The following DEPTOR variants were observed in gnomAD, a reference collection of about 807,000 sequenced individuals.
DEPTOR encodes DEP domain containing MTOR interacting protein.
A neutral mutation model predicts 41.6 loss-of-function variants in DEPTOR; 41 were observed. That is an observed-to-expected ratio of 0.98 (90% CI 0.77 to 1.28). DEPTOR has a LOEUF of 1.28. DEPTOR is among the 50% of genes most tolerant of loss of function. The probability of loss-of-function intolerance (pLI) is 0.00; values close to 1 mark genes in which losing one functional copy is unlikely to be tolerated. For missense variants in DEPTOR, 514 were observed against 527.9 expected (o/e 0.97, Z 0.26); for synonymous variants, 195 against 192.3 (o/e 1.01, Z -0.12).
intron 8 of DEPTOR, among the ~76,000 whole-genome samples, chr8:120,019,734 A>G (rs940589035): frequency 1.3e-5 from 2 of 152,192 alleles, no homozygotes; most frequent in African/African-American, 4.8e-5. Context: ...ACATGGGCAC[A>G]TCTCAGAGGC....
At chr8:120,000,980 G>A (rs1364350755) in intron 4 of DEPTOR, among the ~76,000 whole-genome samples, 2 of 151,942 alleles carry the variant, frequency 1.3e-5, no homozygotes, top group Non-Finnish European at 2.9e-5. Flanking sequence ...GGGAGGCTGA[G>A]ACAGGAGAAT....
At chr8:120,034,443 C>CTTTTTT (rs148465030) in intron 8 of DEPTOR, among the ~76,000 whole-genome samples, 940 of 91,506 alleles carry the variant, frequency 0.01, 16 homozygotes, top group African/African-American at 0.027. Flanking sequence ...TTTCCTTTTT[C>CTTTTTT]TTTTTTTTTT....
intron 4 of DEPTOR, among the ~76,000 whole-genome samples, chr8:119,998,036 C>T (rs966216726): frequency 6.6e-6 from 1 of 152,092 alleles, no homozygotes; most frequent in Admixed American, 6.6e-5. Flanking sequence ...AAGAAAAGTA[C>T]CTGGTATATA....
intron 1 of DEPTOR, among the ~76,000 whole-genome samples, chr8:119,911,230 C>A (rs1563963393): frequency 2.0e-5 from 3 of 151,946 alleles, no homozygotes; most frequent in Non-Finnish European, 2.9e-5. Flanking sequence ...CCAGCCTGAG[C>A]TACACCTATC....
At chr8:119,994,843 G>A (rs1812232981) in intron 4 of DEPTOR, among the ~76,000 whole-genome samples, 1 of 151,224 alleles carries the variant, frequency 6.6e-6, no homozygotes, top group Non-Finnish European at 1.5e-5. Flanking sequence ...CTTGAACTCA[G>A]CGGGTGGAGG....
At chr8:120,022,446 G>A (rs1227754300) in intron 8 of DEPTOR, among the ~76,000 whole-genome samples, 1 of 152,056 alleles carries the variant, frequency 6.6e-6, no homozygotes, top group Non-Finnish European at 1.5e-5. Context: ...CTCCTAAATT[G>A]ATCTGCTATG....
intron 1 of DEPTOR, among the ~76,000 whole-genome samples, chr8:119,902,396 G>A (rs919098552): frequency 5.3e-5 from 8 of 152,080 alleles, no homozygotes; most frequent in Non-Finnish European, 1.0e-4. Flanking sequence ...CTGGAGTGCA[G>A]TGGCACGATC....
chr8:119,880,404 C>T (rs1274229083), intron 1 of DEPTOR, among the ~76,000 whole-genome samples: 1 of 152,076 alleles, frequency 6.6e-6, no homozygotes, highest in African/African-American at 2.4e-5. Context: ...TTTAAACCAA[C>T]AGGCCATAGA....
chr8:120,034,264 TACACACACACACACACACAC>T (rs71571645), intron 8 of DEPTOR, among the ~76,000 whole-genome samples: 1 of 145,278 alleles, frequency 6.9e-6, no homozygotes, highest in Non-Finnish European at 1.5e-5. Context: ...GCAAAGCATG[TACACACACACACACACACAC>T]ACACACACAC....
intron 4 of DEPTOR, among the ~76,000 whole-genome samples, chr8:119,972,950 T>A (rs1327798353): frequency 2.6e-5 from 4 of 152,152 alleles, no homozygotes; most frequent in African/African-American, 7.2e-5. Context: ...ATACCTTTTT[T>A]TTTTTTGAGA....
chr8:120,006,956 A>G, intron 7 of DEPTOR, 81 bp downstream of exon 7: 10 of 1,315,814 alleles, frequency 7.6e-6, no homozygotes, highest in Non-Finnish European at 9.7e-6. Flanking sequence ...TAGCTTATAG[A>G]CTGAAATGAA....
At chr8:119,922,549 T>C (rs1421192932) in intron 1 of DEPTOR, among the ~76,000 whole-genome samples, 1 of 152,230 alleles carries the variant, frequency 6.6e-6, no homozygotes, top group African/African-American at 2.4e-5. Context: ...ACACCGTATG[T>C]AAACTTGTTT....
At chr8:119,920,781 G>A (rs528703633) in intron 1 of DEPTOR, among the ~76,000 whole-genome samples, 1 of 152,196 alleles carries the variant, frequency 6.6e-6, no homozygotes, top group Admixed American at 6.5e-5. Context: ...GTAGTGTCTT[G>A]GTTATTATAC....
intron 8 of DEPTOR, among the ~76,000 whole-genome samples, chr8:120,018,712 G>T (rs1301915955): frequency 6.6e-6 from 1 of 152,122 alleles, no homozygotes; most frequent in Admixed American, 6.6e-5. Context: ...AAATGATAGG[G>T]TCAATGAGCC....
intron 1 of DEPTOR, among the ~76,000 whole-genome samples, chr8:119,890,626 C>T (rs1047757461): frequency 4.6e-5 from 7 of 152,010 alleles, no homozygotes; most frequent in Admixed American, 1.3e-4. Flanking sequence ...TGAAGAAATG[C>T]GACAATTCAG....
At position 119,928,606 on chromosome 8, in the gene DEPTOR, T is replaced by C. The variant is rs371284282; in HGVS notation, c.301+28T>C. 63 of 1,604,212 alleles carry C rather than the reference T, an allele frequency of 3.9e-5. No homozygotes were observed. In the African/African-American group the frequency reaches 7.8e-4, roughly 20 times the overall value. ...GAGTGCGGTGGCGAGTCAAGGTGAC[T>C]TGAGAGAAATGGAAGGACTAGATCT... is the stretch of plus-strand genomic sequence containing the variant. On this transcript the variant is annotated intron_variant, in intron 2 of 8. Coordinates refer to ENST00000286234, the MANE Select transcript of DEPTOR (RefSeq NM_022783.4).
chr8:119,906,409 T>G (rs2129769354), intron 1 of DEPTOR, among the ~76,000 whole-genome samples: 1 of 151,982 alleles, frequency 6.6e-6, no homozygotes, highest in African/African-American at 2.4e-5. Flanking sequence ...TGAGCCAAGA[T>G]TATGCCACTG....
At chr8:119,991,266 C>G (rs1812169490) in intron 4 of DEPTOR, among the ~76,000 whole-genome samples, 2 of 151,956 alleles carry the variant, frequency 1.3e-5, no homozygotes, top group Admixed American at 1.3e-4. Flanking sequence ...TTCTTCTCCT[C>G]TCCTCCTCCC....
chr8:119,991,030 T>TTTTCTTTTTCTTTC (rs1812150925), intron 4 of DEPTOR, among the ~76,000 whole-genome samples: 35 of 53,694 alleles, frequency 6.5e-4, no homozygotes, highest in Middle Eastern at 0.013. Flanking sequence ...TCGGGTTTTC[T>TTTTCTTTTTCTTTC]TTTCTTTCTT....
Sources: allele counts gnomAD v4.1 joint callset (sites outside exome capture counted in the v4.1 genomes callset), GRCh38; gene constraint gnomAD v4.1.1; transcripts MANE v1.5; gene names NCBI Gene and HGNC (gene_info 2026-07-23, HGNC 2026-07-21).